STAB1: variants seen among roughly 807,000 people sequenced by gnomAD.
The protein encoded by STAB1 is stabilin 1.
Under a neutral mutation model 332.4 loss-of-function variants are expected in STAB1, and 250 were observed. That is an observed-to-expected ratio of 0.75 (90% CI 0.68 to 0.84). The LOEUF is 0.84. STAB1 is among the 40% of genes least tolerant of loss of function. The probability of loss-of-function intolerance (pLI) is 0.00; values close to 1 mark genes in which losing one functional copy is unlikely to be tolerated. For synonymous variants in STAB1, 1,475 were observed against 1,390.4 expected (o/e 1.06, Z -1.35); for missense variants, 3,249 against 3,489.7 (o/e 0.93, Z 1.74).
At chr3:52,516,857 C>T in intron 41 of STAB1, 89 bp downstream of exon 41, 1 of 1,597,340 alleles carries the variant, frequency 6.3e-7, no homozygotes, top group Non-Finnish European at 8.5e-7. Flanking sequence ...AGGCCCAGCC[C>T]CCCTCACTGT....
At position 52,511,692 on chromosome 3, in the gene STAB1, C is replaced by T; in HGVS notation, c.2830C>T (p.Gln944Ter). 6.2e-7 allele frequency: 1 copy of T among 1,609,730 alleles called. No individual in the cohort carries two copies. Among genetic ancestry groups the T allele is most frequent in the Non-Finnish European group, 8.5e-7 (1 of 1,177,852 alleles). ...CKLGFAGDGY[Q>*]CSPIDPCRAG... is the part of the protein sequence containing the mutation. ...GCTGGGCTTTGCCGGGGATGGCTAC[C>T]AGTGCAGCCCCATCGACCCCTGCCG... Residue 944 changes from glutamine (Q) to a stop codon, truncating the protein, a stop_gained, in exon 26 of 69, where the codon CAG (glutamine) becomes TAG (stop). Transcript: ENST00000321725. LOFTEE classifies it high-confidence loss of function.
rs775708097 is a variant in STAB1 at position 52,505,116 on chromosome 3, C to G, written c.1491C>G (p.Ala497=). Residue 497 remains alanine (A), a synonymous_variant, in exon 13 of 69, where the codon GCC becomes GCG. Transcript: ENST00000321725. ...FHVVTGLRWQ[A]PSGTPGDPKR... ...TGGTCACTGGCCTGCGGTGGCAGGC[C>G]CCCTCTGGGACCCCTGGGGATCCCA... 1.9e-6 allele frequency: 3 copies of G among 1,613,340 alleles called. No homozygotes were observed. Among genetic ancestry groups the G allele is most frequent in the Non-Finnish European group, 2.5e-6 (3 of 1,179,946 alleles).
intron 48 of STAB1, 144 bp downstream of exon 48, chr3:52,519,013 T>A: frequency 8.8e-7 from 1 of 1,138,468 alleles, no homozygotes; most frequent in South Asian, 1.6e-5. Flanking sequence ...AGCCCGGGAC[T>A]CCGCCCTTGA....
intron 3 of STAB1, 92 bp downstream of exon 3, chr3:52,501,845 A>G: frequency 7.2e-7 from 1 of 1,393,388 alleles, no homozygotes; most frequent in Non-Finnish European, 9.9e-7. Flanking sequence ...TTCCCCTTCA[A>G]CTTGTTTGTT....
chr3:52,500,646 G>A (rs904344642), intron 1 of STAB1, among the ~76,000 whole-genome samples: 3 of 152,274 alleles, frequency 2.0e-5, no homozygotes, highest in Admixed American at 1.3e-4. Context: ...TGAGGATGGA[G>A]TCGCCGTGTC....
Position 52,505,196 on chromosome 3 carries a change from C to T in STAB1, c.1518+53C>T, listed in dbSNP as rs1237563447. 1.1e-5 allele frequency: 18 copies of T among 1,606,974 alleles called. No individual in the cohort carries two copies. The African/African-American group carries it at 2.1e-4, about 19-fold the overall frequency. On this transcript the variant is annotated intron_variant, in intron 13 of 68. Coordinates refer to ENST00000321725, the MANE Select transcript of STAB1 (RefSeq NM_015136.3). ...CCTGTGCTGCTGGGTAATCTCAGAC[C>T]CCTGCAGAGAGCAGTGAGTGGGCAG...
Position 52,509,874 on chromosome 3 carries a change from C to T in STAB1, c.2352C>T (p.Cys784=), listed in dbSNP as rs898828640. The T allele has an allele frequency of 2.6e-5, 42 of 1,612,914 alleles. No homozygotes were observed. The highest frequency in any genetic ancestry group is 1.6e-4 in the Middle Eastern group (1 of 6,084). Residue 784 remains cysteine, a synonymous_variant, in exon 23 of 69, where the codon TGC becomes TGT. Transcript: ENST00000321725. ...NKHGEQCQED[C]GCVHGLCDNR... ...GCTCCCATCTACTCCATACAGACTGCGGCTGTGTCCATGGTCTCTGCGACA... is the reference window on the plus strand; with the variant it reads ...GCTCCCATCTACTCCATACAGACTGTGGCTGTGTCCATGGTCTCTGCGACA...
chr3:52,520,435 T>G lies in STAB1; in HGVS notation c.5535T>G (p.Ile1845Met). 1 of 1,612,564 alleles carries G rather than the reference T, an allele frequency of 6.2e-7. No homozygotes were observed. The highest frequency in any genetic ancestry group is 1.7e-5 in the Admixed American group (1 of 60,010). ...ELMVGEDDAR[I>M]VQRHLPFEGG... The stretch of plus-strand genomic sequence containing the variant: ...TGGTGGGTGAGGATGATGCTCGCAT[T>G]GTGCAGCGGCACTTGCCCTTTGAGG... Residue 1845 changes from isoleucine to methionine, a missense_variant, in exon 53 of 69, where the codon ATT becomes ATG. Physicochemically the swap from Ile to Met is conservative, Grantham distance 10 (BLOSUM62 1). Transcript: ENST00000321725.
intron 48 of STAB1, 124 bp from the exon 49 acceptor site, chr3:52,519,140 T>C: frequency 7.8e-7 from 1 of 1,274,938 alleles, no homozygotes; most frequent in South Asian, 1.4e-5. Flanking sequence ...CTCGTCCTGG[T>C]CCCGAAGAAC....
At position 52,503,831 on chromosome 3, in the gene STAB1, C is replaced by T. The variant is rs369097388; in HGVS notation, c.951C>T (p.Cys317=). Residue 317 remains cysteine, a synonymous_variant, in exon 9 of 69, where the codon TGC becomes TGT. Coordinates refer to ENST00000321725, the MANE Select transcript of STAB1 (RefSeq NM_015136.3). The part of the protein sequence containing the change: ...VSINSNASAG[C]FAFCSPFSCD... ...TCAACAGCAACGCTTCTGCGGGCTG[C>T]TTCGCCTTCTGCTCCCCCTTCTCCT... The T allele has an allele frequency of 4.0e-5, 64 of 1,613,144 alleles. 1 individual carries two copies. The South Asian group carries it at 6.6e-4, about 17-fold the overall frequency.
In STAB1 at chr3:52,516,029, C is replaced by T; in HGVS notation, c.3949-14C>T. ...GGGCCTCTCTCGCCCTCTCTCCCAT[C>T]CCCACGCCGACAGGTGCCGGACTGC... On this transcript the variant is annotated splice_polypyrimidine_tract_variant and intron_variant, in intron 37 of 68. Coordinates refer to ENST00000321725, the MANE Select transcript of STAB1 (RefSeq NM_015136.3). The T allele has an allele frequency of 1.3e-6, 2 of 1,593,976 alleles. No individual in the cohort carries two copies. The highest frequency in any genetic ancestry group is 2.3e-5 in the South Asian group (2 of 88,602).
chr3:52,517,689 C>A, intron 44 of STAB1, 65 bp downstream of exon 44: 1 of 1,583,834 alleles, frequency 6.3e-7, no homozygotes, highest in Non-Finnish European at 8.6e-7. Context: ...CAGGAACCAG[C>A]CCTTCTCACC....
chr3:52,496,493 G>A (rs1180836938), intron 1 of STAB1, among the ~76,000 whole-genome samples: 1 of 152,220 alleles, frequency 6.6e-6, no homozygotes, highest in Non-Finnish European at 1.5e-5. Context: ...CTTTCTCTTG[G>A]ATGCCTGTGG....
At chr3:52,499,898 CAAAAAAAAAAAA>C (rs4045133) in intron 1 of STAB1, among the ~76,000 whole-genome samples, 4 of 37,042 alleles carry the variant, frequency 1.1e-4, no homozygotes, top group Admixed American at 4.6e-4. Flanking sequence ...GACTCCATCT[CAAAAAAAAAAAA>C]AAAAAAAAAA....
In STAB1 at chr3:52,495,355, G is replaced by A. The variant is rs962029067; in HGVS notation, c.-59G>A. On this transcript the variant is annotated 5_prime_UTR_variant, in exon 1 of 69. Coordinates refer to ENST00000321725, the MANE Select transcript of STAB1 (RefSeq NM_015136.3). ...CGTCCCGCCTGCCTGTGCTGTGCCTGCCTCCTAGAGCTCATTCCCTACGCC... is the reference window on the plus strand; with the variant it reads ...CGTCCCGCCTGCCTGTGCTGTGCCTACCTCCTAGAGCTCATTCCCTACGCC... 5.2e-5 allele frequency: 65 copies of A among 1,247,816 alleles called. No homozygotes were observed. The Admixed American group carries it at 2.3e-3, about 45-fold the overall frequency. The allele number at this position is 1,247,816 out of a possible 1,614,324, so 77.3% of individuals were successfully genotyped here.
chr3:52,519,848 G>A, intron 50 of STAB1, 96 bp from the exon 51 acceptor site: 5 of 1,419,326 alleles, frequency 3.5e-6, no homozygotes, highest in Non-Finnish European at 4.7e-6. Flanking sequence ...GTGGGTGAGT[G>A]TGGAGCCCCT....
chr3:52,508,563 T>C (rs755746428), intron 21 of STAB1: 2 of 602,678 alleles, frequency 3.3e-6, no homozygotes, highest in South Asian at 1.6e-5. Flanking sequence ...GTCTCATGCC[T>C]GTAATCCCAG....
rs538717231 is a variant in STAB1, at chr3:52,498,003, G to A, written c.78+2512G>A. ...AGGTGTGTGCAGTGGAGCCTGTGGCGGGAGAGGAGCACGGTCCAGAACCCA... is the reference window on the plus strand; with the variant it reads ...AGGTGTGTGCAGTGGAGCCTGTGGCAGGAGAGGAGCACGGTCCAGAACCCA... On this transcript the variant is annotated intron_variant, in intron 1 of 68. Coordinates refer to ENST00000321725, the MANE Select transcript of STAB1 (RefSeq NM_015136.3). 7.2e-5 allele frequency among the ~76,000 whole-genome samples: 11 copies of A among 152,244 alleles called. No individual in the cohort carries two copies. In the South Asian group the frequency reaches 1.7e-3, roughly 23 times the overall value.
In STAB1 at chr3:52,512,978, G is replaced by A; in HGVS notation, c.3158+20G>A. On this transcript the variant is annotated intron_variant, in intron 29 of 68. Coordinates refer to ENST00000321725, the MANE Select transcript of STAB1 (RefSeq NM_015136.3). The stretch of plus-strand genomic sequence containing the variant: ...GGTCAGGTGGGGCCGCCATTGCCAG[G>A]CTGTGGGAGGGGCTTCCTTGAGGGA... 1 of 1,603,078 alleles carries A rather than the reference G, an allele frequency of 6.2e-7. No individual in the cohort carries two copies. The highest frequency in any genetic ancestry group is 1.3e-5 in the African/African-American group (1 of 74,722).
Sources: allele counts gnomAD v4.1 joint callset (sites outside exome capture counted in the v4.1 genomes callset), GRCh38; gene constraint gnomAD v4.1.1; transcripts MANE v1.5; gene names NCBI Gene and HGNC (gene_info 2026-07-23, HGNC 2026-07-21).